PCDHA4: variants seen among roughly 807,000 people sequenced by gnomAD.
The protein encoded by PCDHA4 is protocadherin alpha-4.
A neutral mutation model predicts 61.4 loss-of-function variants in PCDHA4; 49 were observed. The observed-to-expected ratio is 0.80, with a 90% CI of 0.63 to 1.01. The LOEUF (loss-of-function observed/expected upper bound fraction) is 1.01, where lower values mean the gene tolerates loss of function less well. Among genes scored for constraint, PCDHA4 ranks in the 50% least tolerant of loss-of-function variants. PCDHA4 has a pLI of 0.00. For synonymous variants in PCDHA4, 590 were observed against 550.3 expected (o/e 1.07, Z -1.01); for missense variants, 1,254 against 1,235.8 (o/e 1.01, Z -0.22).
intron 1 of PCDHA4, among the ~76,000 whole-genome samples, chr5:140,819,622 T>C (rs1235501785): frequency 1.3e-5 from 2 of 152,096 alleles, no homozygotes; most frequent in Non-Finnish European, 1.5e-5. Context: ...GAAATTCAGA[T>C]TGGATAATCT....
chr5:140,823,810 T>A (rs1767880072), intron 1 of PCDHA4: 1 of 1,613,758 alleles, frequency 6.2e-7, no homozygotes, highest in Non-Finnish European at 8.5e-7. Context: ...GAAGGCCTCA[T>A]CGCGGGCGTC....
Position 140,808,554 on chromosome 5 carries a change from C to T in PCDHA4, c.1367C>T (p.Ala456Val). The change falls in exon 1 of 4, where the codon GCG becomes GTG. Residue 456 changes from alanine (A) to valine (V), a missense_variant. Physicochemically the swap from Ala to Val is moderately conservative, Grantham distance 64. Coordinates refer to ENST00000530339, the MANE Select transcript of PCDHA4 (RefSeq NM_018907.4). ...GTGAACGACAACGCTCCGGCGTTCG[C>T]GCAGCCCGAGTACACAGTGTTCGTG... ...ADVNDNAPAF[A>V]QPEYTVFVKE... 6.2e-7 allele frequency: 1 copy of T among 1,614,116 alleles called. No homozygotes were observed. Among genetic ancestry groups the T allele is most frequent in the Non-Finnish European group, 8.5e-7 (1 of 1,180,024 alleles).
intron 1 of PCDHA4, among the ~76,000 whole-genome samples, chr5:140,874,280 C>CA (rs1218640311): frequency 6.6e-6 from 1 of 152,146 alleles, no homozygotes; most frequent in Non-Finnish European, 1.5e-5. Context: ...AATAGACTTA[C>CA]AAAATCTATG....
chr5:140,826,537 T>C (rs1413991226), intron 1 of PCDHA4, among the ~76,000 whole-genome samples: 1 of 152,182 alleles, frequency 6.6e-6, no homozygotes, highest in Non-Finnish European at 1.5e-5. Context: ...GTCTTATTGG[T>C]GACTCTATTT....
chr5:140,978,794 TG>T (rs1179958432), intron 1 of PCDHA4, 154 bp from the exon 2 acceptor site: 8 of 978,628 alleles, frequency 8.2e-6, no homozygotes, highest in Non-Finnish European at 9.7e-6. Context: ...GTGCTATATA[TG>T]TAGATATCAT....
intron 1 of PCDHA4, chr5:140,928,859 T>G (rs782758888): frequency 1.2e-6 from 2 of 1,614,176 alleles, no homozygotes; most frequent in Non-Finnish European, 1.7e-6. Flanking sequence ...GGTGTGCTGT[T>G]GAGCAACTCT....
intron 1 of PCDHA4, among the ~76,000 whole-genome samples, chr5:140,933,321 C>T (rs1266539168): frequency 2.6e-5 from 4 of 151,928 alleles, no homozygotes; most frequent in Non-Finnish European, 5.9e-5. Context: ...CTCGTATTCT[C>T]CTGTGCTGTA....
chr5:140,957,322 A>G (rs1356606026), intron 1 of PCDHA4, among the ~76,000 whole-genome samples: 4 of 152,202 alleles, frequency 2.6e-5, no homozygotes, highest in Admixed American at 2.0e-4. Context: ...AGGTGAGCAC[A>G]GTACAGTAAG....
intron 1 of PCDHA4, chr5:140,865,754 C>T (rs1554159601): frequency 6.6e-6 from 1 of 152,144 alleles, no homozygotes; most frequent in East Asian, 1.9e-4. Context: ...AGTGCCAGTA[C>T]ATGGTGGAGA....
intron 1 of PCDHA4, chr5:140,809,787 G>T: frequency 2.1e-6 from 1 of 480,742 alleles, no homozygotes. Context: ...CATATTAACA[G>T]AACTGTAATT....
Position 140,982,524 on chromosome 5 carries a change from C to T in PCDHA4, c.2494C>T (p.Pro832Ser). ...CATTCTACGGGCTGGTCCAGGAGGG[C>T]CTGATCAGCAGTGGCCAACAGTATC... ...AGILRAGPGG[P>S]DQQWPTVSSA... Residue 832 changes from proline to serine, a missense_variant, in exon 3 of 4, where the codon CCT (proline) becomes TCT (serine). Transcript: ENST00000530339. The T allele has an allele frequency of 6.2e-7, 1 of 1,614,170 alleles. No homozygotes were observed. Among genetic ancestry groups the T allele is most frequent in the Non-Finnish European group, 8.5e-7 (1 of 1,180,030 alleles).
chr5:141,005,118 C>T (rs546410334), intron 3 of PCDHA4, among the ~76,000 whole-genome samples: 1 of 152,198 alleles, frequency 6.6e-6, no homozygotes, highest in South Asian at 2.1e-4. Flanking sequence ...CTTTAGGGAC[C>T]CCAAAAGTGC....
chr5:140,938,807 A>G (rs1253557528), intron 1 of PCDHA4, among the ~76,000 whole-genome samples: 1 of 152,020 alleles, frequency 6.6e-6, no homozygotes, highest in Non-Finnish European at 1.5e-5. Context: ...GGTACCACAA[A>G]CCCCTGTGAC....
intron 1 of PCDHA4, chr5:140,842,290 G>T: frequency 6.2e-7 from 1 of 1,610,202 alleles, no homozygotes; most frequent in South Asian, 1.1e-5. Context: ...TTGACGCCAC[G>T]GACAAAGGCC....
At chr5:140,993,793 T>C (rs2097582526) in intron 3 of PCDHA4, among the ~76,000 whole-genome samples, 1 of 152,184 alleles carries the variant, frequency 6.6e-6, no homozygotes, top group African/African-American at 2.4e-5. Context: ...TAACATGCTG[T>C]GCAGGTTTGT....
At chr5:141,005,701 CAAAAAAAAAAAAAA>C (rs59860837) in intron 3 of PCDHA4, among the ~76,000 whole-genome samples, 79 of 7,792 alleles carry the variant, frequency 0.01, 1 homozygote, top group Admixed American at 0.027. Flanking sequence ...AACTCCGTCT[CAAAAAAAAAAAAAA>C]AAAAAAAAAA....
rs2150101302 is a variant in PCDHA4 at position 140,818,452 on chromosome 5, A to G, written c.2385+8880A>G. Reference sequence around the variant, plus strand: ...CTAACTTGGGTACTGGCTAATGTCAAAAGAAACTTTCCTCCCACAAAGTTT... The same window carrying G: ...CTAACTTGGGTACTGGCTAATGTCAGAAGAAACTTTCCTCCCACAAAGTTT... On this transcript the variant is annotated intron_variant, in intron 1 of 3. Transcript: ENST00000530339. Among the ~76,000 whole-genome samples the G allele has an allele frequency of 1.7e-3, 261 of 152,350 alleles. 3 individuals are homozygous for G. Among genetic ancestry groups the G allele is most frequent in the Non-Finnish European group, 3.1e-3 (214 of 68,036 alleles).
rs782058694 is a variant in PCDHA4 at position 140,883,215 on chromosome 5, A to G, written c.2385+73643A>G. On this transcript the variant is annotated intron_variant, in intron 1 of 3. Coordinates refer to ENST00000530339, the MANE Select transcript of PCDHA4 (RefSeq NM_018907.4). ...CTAGATTTCGAAGAAAAGAAATTAT[A>G]TGAAATATCCGTGGAGGCAGTTGAC... 2.5e-6 allele frequency: 4 copies of G among 1,613,954 alleles called. No individual in the cohort carries two copies. Among genetic ancestry groups the G allele is most frequent in the Non-Finnish European group, 3.4e-6 (4 of 1,180,034 alleles).
At chr5:140,823,673 C>T (rs1767830997) in intron 1 of PCDHA4, 4 of 1,613,942 alleles carry the variant, frequency 2.5e-6, no homozygotes, top group Non-Finnish European at 3.4e-6. Flanking sequence ...ATCAGCACAA[C>T]ACGCTCTCTG....
Sources: gnomAD v4.1 joint callset for allele counts (sites outside exome capture counted in the v4.1 genomes callset) on GRCh38, gnomAD v4.1.1 for gene constraint, MANE v1.5 for transcripts, NCBI Gene and HGNC (gene_info 2026-07-23, HGNC 2026-07-21) for gene names.